PATL2: variants seen among roughly 807,000 people sequenced by gnomAD.
The protein encoded by PATL2 is protein PAT1 homolog 2.
A neutral mutation model predicts 77.0 loss-of-function variants in PATL2; 73 were observed. The ratio of observed to expected loss-of-function variants is 0.95; its 90% CI spans 0.78 to 1.15. PATL2 has a LOEUF of 1.15. Ranked by LOEUF, PATL2 falls within the 50% of genes most tolerant of loss-of-function variation. The probability of loss-of-function intolerance (pLI) is 0.00; values close to 1 mark genes in which losing one functional copy is unlikely to be tolerated. For missense variants in PATL2, 618 were observed against 655.4 expected, an observed-to-expected ratio of 0.94 and a Z score of 0.62; for synonymous variants, 265 against 257.1, an observed-to-expected ratio of 1.03 and a Z score of -0.29.
rs142926816 is a variant in PATL2, at chr15:44,677,661, A to G, written c.-75-1096T>C. Among the ~76,000 whole-genome samples the G allele has an allele frequency of 1.5e-3, 230 of 152,292 alleles. 1 individual carries two copies. The highest frequency in any genetic ancestry group is 5.4e-3 in the African/African-American group (225 of 41,554). ...ACATGACTTTGTAGAACTTCTGAAT[A>G]AGAATAAAAACTAAGTTAATTTCCC... On this transcript the variant is annotated intron_variant, in intron 3 of 17. Coordinates refer to ENST00000682850, the MANE Select transcript of PATL2 (RefSeq NM_001387263.1).
At chr15:44,696,898 C>T (rs546655766) in intron 3 of PATL2, among the ~76,000 whole-genome samples, 1 of 152,262 alleles carries the variant, frequency 6.6e-6, no homozygotes, top group Non-Finnish European at 1.5e-5. Flanking sequence ...CAGGGTCTGG[C>T]GTCTTCTGCT....
intron 12 of PATL2, 22 bp from the exon 13 acceptor site, chr15:44,669,435 AAAG>A (rs557608587): frequency 3.2e-6 from 5 of 1,548,376 alleles, no homozygotes. Flanking sequence ...AGGGTGGAAA[AAAG>A]AGGTAAATTT....
At chr15:44,708,845 G>A (rs554181360) in intron 3 of PATL2, among the ~76,000 whole-genome samples, 1 of 152,278 alleles carries the variant, frequency 6.6e-6, no homozygotes, top group South Asian at 2.1e-4. Context: ...GGAGTGGCTG[G>A]ATATTATGGC....
chr15:44,697,809 C>G (rs1595986472), intron 3 of PATL2, among the ~76,000 whole-genome samples: 1 of 152,330 alleles, frequency 6.6e-6, no homozygotes, highest in African/African-American at 2.4e-5. Context: ...TATCTTACCT[C>G]TCTGCATCTC....
chr15:44,703,492 A>G (rs904778846), intron 3 of PATL2, among the ~76,000 whole-genome samples: 3 of 151,948 alleles, frequency 2.0e-5, no homozygotes, highest in African/African-American at 7.3e-5. Flanking sequence ...TATTTTTACA[A>G]TTGTTATATA....
At chr15:44,683,661 G>T (rs1414176341) in intron 3 of PATL2, among the ~76,000 whole-genome samples, 1 of 152,186 alleles carries the variant, frequency 6.6e-6, no homozygotes, top group Non-Finnish European at 1.5e-5. Context: ...GCAGCTGTGG[G>T]CACAGCTTCA....
intron 3 of PATL2, among the ~76,000 whole-genome samples, chr15:44,698,085 T>TA (rs2086548695): frequency 2.6e-5 from 1 of 38,038 alleles, no homozygotes; most frequent in Non-Finnish European, 5.1e-5. Flanking sequence ...GTCTTTAAAT[T>TA]TTTTTAATTT....
At chr15:44,668,548 C>A in intron 14 of PATL2, 66 bp from the exon 15 acceptor site, 1 of 1,520,236 alleles carries the variant, frequency 6.6e-7, no homozygotes, top group South Asian at 1.3e-5. Flanking sequence ...ACCTTGCTTC[C>A]ACAGTCCCTT....
At position 44,667,093 on chromosome 15, in the gene PATL2, T is replaced by C; in HGVS notation, c.1463+13A>G. The C allele has an allele frequency of 6.5e-7, 1 of 1,542,678 alleles. No homozygotes were observed. The highest frequency in any genetic ancestry group is 1.4e-5 in the African/African-American group (1 of 72,962). On this transcript the variant is annotated intron_variant, in intron 16 of 17. Coordinates refer to ENST00000682850, the MANE Select transcript of PATL2 (RefSeq NM_001387263.1). ...GGTACTAGATAGTATTTACAAGGCC[T>C]TTATGATCTTACCAAGCTGTATGGT...
chr15:44,676,367 T>C, intron 4 of PATL2, 108 bp downstream of exon 4: 2 of 1,010,830 alleles, frequency 2.0e-6, no homozygotes, highest in South Asian at 2.7e-5. Flanking sequence ...TGGAAGAATT[T>C]GGAATAACTT....
At chr15:44,699,524 G>C (rs571119108) in intron 3 of PATL2, among the ~76,000 whole-genome samples, 2 of 152,006 alleles carry the variant, frequency 1.3e-5, no homozygotes, top group African/African-American at 4.8e-5. Context: ...ATTTTTAGTA[G>C]AGACAGGGTT....
Position 44,672,072 on chromosome 15 carries a change from T to C in PATL2, c.600A>G (p.Lys200=). The C allele has an allele frequency of 2.6e-6, 4 of 1,551,692 alleles. No homozygotes were observed. Among genetic ancestry groups the C allele is most frequent in the Non-Finnish European group, 3.5e-6 (4 of 1,146,986 alleles). The change falls in exon 9 of 18, where the codon AAA becomes AAG. Residue 200 remains lysine (K), a synonymous_variant. Coordinates refer to ENST00000682850, the MANE Select transcript of PATL2 (RefSeq NM_001387263.1). ...MTRKEKDWVI[K]VQMVQLQSAK... The stretch of plus-strand genomic sequence containing the variant: ...CACTCTGCAGCTGCACCATCTGCAC[T>C]TTTATCACCCAGTCCTTCTCTTTTC...
At chr15:44,700,962 G>A (rs994403305) in intron 3 of PATL2, among the ~76,000 whole-genome samples, 6 of 152,034 alleles carry the variant, frequency 3.9e-5, no homozygotes, top group African/African-American at 1.4e-4. Flanking sequence ...TTTTTGGGGG[G>A]GGTTTTATCA....
In PATL2 at chr15:44,669,088, G is replaced by T; in HGVS notation, c.1116C>A (p.Ala372=). 1 of 1,550,240 alleles carries T rather than the reference G, an allele frequency of 6.5e-7. No homozygotes were observed. Among genetic ancestry groups the T allele is most frequent in the Non-Finnish European group, 8.7e-7 (1 of 1,146,168 alleles). The part of the protein sequence containing the change: ...LQVLSVRKGK[A]LVARLLPFLP... ...GGAAGGGGAGCAGCCGGGCCACCAG[G>T]GCCTTCCCCTTCCTCACAGAGAGCA... The change falls in exon 14 of 18, where the codon GCC becomes GCA. Residue 372 remains alanine (A), a synonymous_variant. Transcript: ENST00000682850.
intron 3 of PATL2, among the ~76,000 whole-genome samples, chr15:44,706,261 G>T (rs1473338392): frequency 6.6e-6 from 1 of 152,120 alleles, no homozygotes; most frequent in East Asian, 1.9e-4. Context: ...TATAGTCTTT[G>T]CAGTCTGGGC....
chr15:44,707,493 T>C (rs1383184095), intron 3 of PATL2, among the ~76,000 whole-genome samples: 1 of 152,128 alleles, frequency 6.6e-6, no homozygotes. Context: ...GCAGGTTCCC[T>C]TCTGGCCCAG....
At position 44,667,187 on chromosome 15, in the gene PATL2, A is replaced by G. The variant is rs980436962; in HGVS notation, c.1382T>C (p.Leu461Pro). 8.4e-6 allele frequency: 13 copies of G among 1,551,502 alleles called. No homozygotes were observed. The highest frequency in any genetic ancestry group is 2.4e-5 in the East Asian group (1 of 40,936). ...VLQNQFGISL[L>P]YALLSHGEQL... ...CTCCCCATGGCTCAGCAGGGCATAG[A>G]GCAAAGATATTCCAAACTGCAAGGG... Residue 461 changes from leucine to proline, a missense_variant, in exon 16 of 18, where the codon CTC becomes CCC. Leu to Pro is a moderately conservative substitution (Grantham distance 98). Coordinates refer to ENST00000682850, the MANE Select transcript of PATL2 (RefSeq NM_001387263.1).
At chr15:44,672,484 G>A (rs1245852358) in intron 7 of PATL2, 28 bp from the exon 8 acceptor site, 3 of 1,540,680 alleles carry the variant, frequency 1.9e-6, no homozygotes, top group African/African-American at 2.7e-5. Flanking sequence ...AACGAGCTGG[G>A]TGGAAGGAAG....
intron 3 of PATL2, among the ~76,000 whole-genome samples, chr15:44,683,015 G>A (rs1286432910): frequency 6.6e-6 from 1 of 152,196 alleles, no homozygotes; most frequent in Non-Finnish European, 1.5e-5. Flanking sequence ...TCCTAGCCAA[G>A]GGACTGTGAG....
Sources: gnomAD v4.1 joint callset for allele counts (sites outside exome capture counted in the v4.1 genomes callset) on GRCh38, gnomAD v4.1.1 for gene constraint, MANE v1.5 for transcripts, NCBI Gene and HGNC (gene_info 2026-07-23, HGNC 2026-07-21) for gene names.